DLG2: variants seen among roughly 807,000 people sequenced by gnomAD.
The protein encoded by DLG2 is discs large MAGUK scaffold protein 2, also known as disks large homolog 2.
A neutral mutation model predicts 132.5 loss-of-function variants in DLG2; 45 were observed. The observed-to-expected ratio is 0.34, with a 90% CI of 0.27 to 0.44. DLG2 has a LOEUF of 0.44. DLG2 is among the 20% of genes least tolerant of loss of function. DLG2 has a pLI of 1.00. For synonymous variants in DLG2, 424 were observed against 419.6 expected, an observed-to-expected ratio of 1.01 and a Z score of -0.13; for missense variants, 1,045 against 1,196.9, an observed-to-expected ratio of 0.87 and a Z score of 1.87.
intron 6 of DLG2, among the ~76,000 whole-genome samples, chr11:84,543,703 T>C (rs944430589): frequency 6.6e-6 from 1 of 152,166 alleles, no homozygotes; most frequent in Non-Finnish European, 1.5e-5. Flanking sequence ...ATTAGCAATA[T>C]GGCTTGCCCA....
intron 6 of DLG2, among the ~76,000 whole-genome samples, chr11:84,726,233 T>A (rs1306842487): frequency 6.6e-6 from 1 of 152,070 alleles, no homozygotes; most frequent in African/African-American, 2.4e-5. Context: ...GTCTCCTACG[T>A]TAGGTATTTC....
At chr11:84,929,010 A>C (rs1054961290) in intron 6 of DLG2, among the ~76,000 whole-genome samples, 6 of 132,138 alleles carry the variant, frequency 4.5e-5, no homozygotes, top group Non-Finnish European at 9.7e-5. Flanking sequence ...ATATATATAT[A>C]TATATATATA....
intron 16 of DLG2, among the ~76,000 whole-genome samples, chr11:83,853,867 C>T (rs1192439227): frequency 6.6e-6 from 1 of 152,096 alleles, no homozygotes; most frequent in African/African-American, 2.4e-5. Flanking sequence ...CATCATACTG[C>T]AAGTTCTAGT....
chr11:83,492,163 G>T (rs538011133), intron 21 of DLG2, among the ~76,000 whole-genome samples: 6 of 151,932 alleles, frequency 3.9e-5, no homozygotes, highest in Non-Finnish European at 8.8e-5. Context: ...TTTATTCAGG[G>T]CCACCAATGA....
At chr11:84,023,200 C>CA (rs1318418941) in intron 11 of DLG2, among the ~76,000 whole-genome samples, 1 of 151,966 alleles carries the variant, frequency 6.6e-6, no homozygotes, top group Non-Finnish European at 1.5e-5. Flanking sequence ...GATCACCAAA[C>CA]AAAAAACAGT....
chr11:84,901,186 A>G (rs945681566), intron 6 of DLG2, among the ~76,000 whole-genome samples: 1 of 152,088 alleles, frequency 6.6e-6, no homozygotes, highest in African/African-American at 2.4e-5. Context: ...CATAATATAT[A>G]TTTCCACATG....
intron 14 of DLG2, among the ~76,000 whole-genome samples, chr11:83,942,451 G>A (rs1158390193): frequency 2.0e-5 from 3 of 152,080 alleles, no homozygotes; most frequent in East Asian, 3.9e-4. Flanking sequence ...AGAAGCATAC[G>A]CCAGGGAATT....
intron 22 of DLG2, 96 bp downstream of exon 22, chr11:83,484,033 A>C: frequency 2.1e-6 from 2 of 947,004 alleles, no homozygotes; most frequent in Non-Finnish European, 3.4e-6. Context: ...TTGTTTGCCT[A>C]GGTGTGTGGC....
At chr11:84,579,669 T>C (rs889118604) in intron 6 of DLG2, among the ~76,000 whole-genome samples, 4 of 152,134 alleles carry the variant, frequency 2.6e-5, no homozygotes, top group Admixed American at 2.0e-4. Flanking sequence ...GCTTAAGTAA[T>C]GAAGGTTATG....
At chr11:83,807,998 A>G (rs1378811852) in intron 17 of DLG2, among the ~76,000 whole-genome samples, 1 of 152,086 alleles carries the variant, frequency 6.6e-6, no homozygotes, top group Admixed American at 6.6e-5. Flanking sequence ...CAATGTTGCT[A>G]TGTGCTTCCA....
intron 6 of DLG2, among the ~76,000 whole-genome samples, chr11:84,693,653 C>T (rs1422042574): frequency 1.3e-5 from 2 of 151,672 alleles, no homozygotes; most frequent in Non-Finnish European, 3.0e-5. Flanking sequence ...CAGGATAAAG[C>T]CCCAATTGTC....
intron 7 of DLG2, among the ~76,000 whole-genome samples, chr11:84,376,359 T>C (rs2098728903): frequency 6.6e-6 from 1 of 151,952 alleles, no homozygotes; most frequent in Admixed American, 6.6e-5. Flanking sequence ...GGATGAAATA[T>C]TAAAAATAAA....
intron 4 of DLG2, among the ~76,000 whole-genome samples, chr11:85,260,890 TCCCAC>T (rs2076904751): frequency 6.6e-6 from 1 of 152,148 alleles, no homozygotes; most frequent in South Asian, 2.1e-4. Flanking sequence ...GTAGACACAG[TCCCAC>T]CCCACCTCAC....
At chr11:85,261,585 C>T (rs1002616612) in intron 4 of DLG2, among the ~76,000 whole-genome samples, 3 of 152,076 alleles carry the variant, frequency 2.0e-5, no homozygotes, top group African/African-American at 7.2e-5. Flanking sequence ...GGAAGGGACT[C>T]ATCAGAGAGG....
At chr11:85,560,005 C>CAATT (rs140109559) in intron 3 of DLG2, among the ~76,000 whole-genome samples, 3,564 of 151,644 alleles carry the variant, frequency 0.024, 157 homozygotes, top group African/African-American at 0.082. Flanking sequence ...ATGAGAAAAC[C>CAATT]ATTTATTATA....
intron 6 of DLG2, among the ~76,000 whole-genome samples, chr11:84,883,823 T>C (rs538118080): frequency 6.6e-6 from 1 of 152,248 alleles, no homozygotes; most frequent in South Asian, 2.1e-4. Context: ...AGGGTGATAC[T>C]AAAATGGTTT....
At position 83,835,287 on chromosome 11, in the gene DLG2, A is replaced by G. The variant is rs2055821179; in HGVS notation, c.1566-1517T>C. 1.3e-5 allele frequency among the ~76,000 whole-genome samples: 2 copies of G among 152,218 alleles called. 1 individual carries two copies. Among genetic ancestry groups the G allele is most frequent in the South Asian group, 4.1e-4 (2 of 4,828 alleles). On this transcript the variant is annotated intron_variant, in intron 16 of 27. Coordinates refer to ENST00000376104, the MANE Select transcript of DLG2 (RefSeq NM_001142699.3). ...TAATGAAGGTAGACCACTAATAAAC[A>G]ATAGATGCAATAAATAAGTTCATTA...
At chr11:85,393,046 AG>A (rs2086942169) in intron 3 of DLG2, among the ~76,000 whole-genome samples, 1 of 152,132 alleles carries the variant, frequency 6.6e-6, no homozygotes, top group Non-Finnish European at 1.5e-5. Context: ...GACAACCCAT[AG>A]AATAGGAGAA....
chr11:83,641,102 G>C (rs539629181), intron 18 of DLG2, among the ~76,000 whole-genome samples: 2 of 152,190 alleles, frequency 1.3e-5, no homozygotes, highest in East Asian at 3.9e-4. Context: ...ATTTTAAAAA[G>C]CACCATCAAT....
Sources: gnomAD v4.1 joint callset for allele counts (sites outside exome capture counted in the v4.1 genomes callset) on GRCh38, gnomAD v4.1.1 for gene constraint, MANE v1.5 for transcripts, NCBI Gene and HGNC (gene_info 2026-07-23, HGNC 2026-07-21) for gene names.